Variants in FOXN3 observed in about 807,000 individuals in gnomAD.
The protein encoded by FOXN3 is forkhead box N3, also known as forkhead box protein N3.
In FOXN3, 7 loss-of-function variants were observed where a neutral mutation model predicts 38.4. The observed-to-expected ratio is 0.18, with a 90% CI of 0.10 to 0.34. The LOEUF is 0.34. Ranked by LOEUF, FOXN3 falls within the 10% of genes least tolerant of loss-of-function variation. The pLI is 1.00. For missense variants in FOXN3, 456 were observed against 613.4 expected (o/e 0.74, Z 2.71); for synonymous variants, 230 against 242.2 (o/e 0.95, Z 0.47).
At chr14:89,602,487 T>C (rs1896173001) in intron 1 of FOXN3, among the ~76,000 whole-genome samples, 1 of 151,644 alleles carries the variant, frequency 6.6e-6, no homozygotes, top group African/African-American at 2.4e-5. Flanking sequence ...TAGGTGACAT[T>C]TTTTTCTTTT....
At chr14:89,317,168 T>C (rs1327766391) in intron 3 of FOXN3, among the ~76,000 whole-genome samples, 1 of 152,146 alleles carries the variant, frequency 6.6e-6, no homozygotes, top group East Asian at 1.9e-4. Context: ...TAAAAGCAAT[T>C]GACAATACTT....
intron 1 of FOXN3, among the ~76,000 whole-genome samples, chr14:89,481,470 C>T (rs1893328233): frequency 6.6e-6 from 1 of 152,022 alleles, no homozygotes; most frequent in East Asian, 1.9e-4. Flanking sequence ...GAACTTTCTA[C>T]CAGTATGTGG....
intron 3 of FOXN3, among the ~76,000 whole-genome samples, chr14:89,310,376 G>A (rs7140560): frequency 0.12 from 17,891 of 152,188 alleles, 1,112 homozygotes; most frequent in East Asian, 0.21. Flanking sequence ...AGAGCGGCTC[G>A]GCTGACCTGC....
At chr14:89,176,246 G>A (rs17778186) in intron 5 of FOXN3, among the ~76,000 whole-genome samples, 3,894 of 152,276 alleles carry the variant, frequency 0.026, 72 homozygotes, top group Non-Finnish European at 0.04. Flanking sequence ...TATATGCAAA[G>A]GAACCTGGCA....
chr14:89,269,742 C>T (rs936506317), intron 4 of FOXN3, among the ~76,000 whole-genome samples: 4 of 152,092 alleles, frequency 2.6e-5, no homozygotes, highest in African/African-American at 7.2e-5. Flanking sequence ...CCCCAGATCA[C>T]GCTAATGCTG....
chr14:89,576,549 A>AG (rs1895624935), intron 1 of FOXN3: 1 of 151,768 alleles, frequency 6.6e-6, no homozygotes, highest in East Asian at 1.9e-4. Context: ...AAAAAAAAAA[A>AG]ACCCAAAACA....
intron 4 of FOXN3, among the ~76,000 whole-genome samples, chr14:89,207,754 ACC>A (rs1272865226): frequency 6.6e-6 from 1 of 152,182 alleles, no homozygotes; most frequent in African/African-American, 2.4e-5. Flanking sequence ...TGTGGAATGT[ACC>A]CTTTGTCAAC....
In FOXN3 at chr14:89,167,540, T is replaced by A. The variant is rs1478664934; in HGVS notation, c.852-4571A>T. Among the ~76,000 whole-genome samples the A allele has an allele frequency of 4.6e-5, 7 of 152,286 alleles. No individual in the cohort carries two copies. The South Asian group carries it at 1.5e-3, about 32-fold the overall frequency. On this transcript the variant is annotated intron_variant, in intron 5 of 5. Transcript: ENST00000557258. ...GTAGAAGCAGGGGACTGGAGCAAGT[T>A]CAAAGCTTCTTTTGAAAATCAACTG...
At chr14:89,467,483 G>T (rs1354230702) in intron 1 of FOXN3, among the ~76,000 whole-genome samples, 1 of 151,556 alleles carries the variant, frequency 6.6e-6, no homozygotes, top group African/African-American at 2.4e-5. Context: ...AAATTTAAAT[G>T]GTCCACCTAA....
intron 4 of FOXN3, among the ~76,000 whole-genome samples, chr14:89,203,215 T>C (rs182973928): frequency 1.3e-3 from 203 of 152,160 alleles, no homozygotes; most frequent in African/African-American, 4.7e-3. Flanking sequence ...AACCCGAGAA[T>C]GCAATAGGTA....
At chr14:89,420,885 TA>T (rs10654363), upstream of FOXN3, among the ~76,000 whole-genome samples, 92 of 140,820 alleles carry the variant, frequency 6.5e-4, no homozygotes, top group African/African-American at 9.2e-4. Flanking sequence ...AGATACGAAT[TA>T]AAAAAAAAAA....
At chr14:89,355,917 G>C (rs1383777805) in intron 2 of FOXN3, among the ~76,000 whole-genome samples, 1 of 152,074 alleles carries the variant, frequency 6.6e-6, no homozygotes, top group Non-Finnish European at 1.5e-5. Flanking sequence ...CCTAAAGAAC[G>C]GGGATAAGGA....
At chr14:89,275,617 T>C (rs1184188686) in intron 4 of FOXN3, among the ~76,000 whole-genome samples, 1 of 152,192 alleles carries the variant, frequency 6.6e-6, no homozygotes, top group African/African-American at 2.4e-5. Flanking sequence ...ATCTCATACA[T>C]TTCAGCAGTA....
chr14:89,343,053 A>C (rs1303577320), intron 3 of FOXN3, among the ~76,000 whole-genome samples: 1 of 152,184 alleles, frequency 6.6e-6, no homozygotes, highest in Admixed American at 6.5e-5. Context: ...GTAAGTTAAA[A>C]CTGATTTCAT....
At chr14:89,554,585 T>C (rs981568083) in intron 1 of FOXN3, among the ~76,000 whole-genome samples, 13 of 152,128 alleles carry the variant, frequency 8.5e-5, no homozygotes, top group African/African-American at 2.9e-4. Context: ...TTCAAAAAAT[T>C]ATCAAGAATA....
chr14:89,347,227 G>A (rs74631321), intron 3 of FOXN3, among the ~76,000 whole-genome samples: 3,593 of 152,244 alleles, frequency 0.024, 129 homozygotes, highest in African/African-American at 0.082. Context: ...GAATTATTAC[G>A]GGAGAAAGAT....
intron 4 of FOXN3, among the ~76,000 whole-genome samples, chr14:89,247,535 G>C (rs758926326): frequency 1.1e-4 from 17 of 152,134 alleles, no homozygotes; most frequent in Non-Finnish European, 2.2e-4. Flanking sequence ...TCTAGTGCAA[G>C]GTCTTGAGTC....
chr14:89,216,311 A>G (rs1884279875), intron 4 of FOXN3, among the ~76,000 whole-genome samples: 1 of 152,160 alleles, frequency 6.6e-6, no homozygotes, highest in African/African-American at 2.4e-5. Flanking sequence ...GATAAACACA[A>G]AAACCCAAAT....
chr14:89,386,839 C>CGTGCATG (rs1199073206), intron 2 of FOXN3, among the ~76,000 whole-genome samples: 23 of 152,152 alleles, frequency 1.5e-4, no homozygotes, highest in African/African-American at 5.6e-4. Context: ...CCTTGGTGTG[C>CGTGCATG]GTGCATGAAT....
Sources: gnomAD v4.1 joint callset for allele counts (sites outside exome capture counted in the v4.1 genomes callset) on GRCh38, gnomAD v4.1.1 for gene constraint, MANE v1.5 for transcripts, NCBI Gene and HGNC (gene_info 2026-07-23, HGNC 2026-07-21) for gene names.